ACAN: variants seen among roughly 807,000 people sequenced by gnomAD.
The protein encoded by ACAN is aggrecan.
Under a neutral mutation model 169.1 loss-of-function variants are expected in ACAN, and 47 were observed. That is an observed-to-expected ratio of 0.28 (90% CI 0.22 to 0.35). The LOEUF (loss-of-function observed/expected upper bound fraction) is 0.35, where lower values mean the gene tolerates loss of function less well. Ranked by LOEUF, ACAN falls within the 10% of genes least tolerant of loss-of-function variation. The pLI is 1.00. For synonymous variants in ACAN, 1,115 were observed against 1,112.2 expected (o/e 1.00, Z -0.05); for missense variants, 2,716 against 2,759.9 (o/e 0.98, Z 0.36).
Position 88,856,967 on chromosome 15 carries a change from C to A in ACAN, c.4382C>A (p.Thr1461Asn), listed in dbSNP as rs375536994. The change falls in exon 12 of 19, where the codon ACC becomes AAC. Residue 1461 changes from threonine (T) to asparagine (N), a missense_variant. Coordinates refer to ENST00000560601, the MANE Select transcript of ACAN (RefSeq NM_001369268.1). ...TCTGGAGAAGTTCTAGAGACTTCTA[C>A]CTCTGCGGTAGGGGACCTCAGTGGA... is the stretch of plus-strand genomic sequence containing the variant. ...LPSGEVLETS[T>N]SAVGDLSGLP... is the part of the protein sequence containing the mutation. 1.9e-6 allele frequency: 3 copies of A among 1,613,468 alleles called. No individual in the cohort carries two copies.
Position 88,838,131 on chromosome 15 carries a change from A to G in ACAN, c.71-532A>G, listed in dbSNP as rs1483839293. On this transcript the variant is annotated intron_variant, in intron 2 of 18. Transcript: ENST00000560601. This position sits in a 1 kb window ranked among gnomAD's most constrained non-coding sequence, Gnocchi z 5.1. ...CTGAGTCCCCTGACTCCCAAACAGC[A>G]GAAGAGAGTGACTTGTCCCGGTGGC... 6.6e-6 allele frequency among the ~76,000 whole-genome samples: 1 copy of G among 152,054 alleles called. No individual in the cohort carries two copies. The highest frequency in any genetic ancestry group is 1.9e-4 in the East Asian group (1 of 5,188).
chr15:88,840,911 A>C (rs539501917), intron 4 of ACAN, among the ~76,000 whole-genome samples: 2 of 152,154 alleles, frequency 1.3e-5, no homozygotes. Flanking sequence ...TTGGGAGGCC[A>C]AGGCGGGCAG....
chr15:88,858,070 A>T lies in ACAN; in HGVS notation c.5485A>T (p.Ile1829Phe). ...GAGTGGCAGCGGTGAATCTTCTGGG[A>T]TTACATTTGTGGACACCAGTTTGGT... ...TTSGSGESSGITFVDTSLVEV... is the reference protein window; with the variant it reads ...TTSGSGESSGFTFVDTSLVEV... Residue 1829 changes from isoleucine (I) to phenylalanine (F), a missense_variant, in exon 12 of 19, where the codon ATT (isoleucine) becomes TTT (phenylalanine). Physicochemically the swap from Ile to Phe is conservative, Grantham distance 21. Coordinates refer to ENST00000560601, the MANE Select transcript of ACAN (RefSeq NM_001369268.1). This position sits in a 1 kb window ranked among gnomAD's most constrained non-coding sequence, Gnocchi z 4.0. 6.2e-7 allele frequency: 1 copy of T among 1,613,828 alleles called. No homozygotes were observed. The highest frequency in any genetic ancestry group is 8.5e-7 in the Non-Finnish European group (1 of 1,179,866).
Position 88,855,345 on chromosome 15 carries a change from A to G in ACAN, c.2760A>G (p.Ser920=), listed in dbSNP as rs371065054. 2.7e-5 allele frequency: 44 copies of G among 1,612,572 alleles called. No individual in the cohort carries two copies. Among genetic ancestry groups the G allele is most frequent in the Non-Finnish European group, 3.6e-5 (43 of 1,179,086 alleles). The change falls in exon 12 of 19, where the codon TCA becomes TCG. Residue 920 remains serine (S), a synonymous_variant. Coordinates refer to ENST00000560601, the MANE Select transcript of ACAN (RefSeq NM_001369268.1). ...SGLPVESGLP[S]GDEERIEWPS... is the part of the protein sequence containing the mutation. Reference sequence around the variant, plus strand: ...TGCCTGTGGAAAGTGGACTACCCTCAGGGGATGAAGAGAGAATTGAGTGGC... The same window carrying G: ...TGCCTGTGGAAAGTGGACTACCCTCGGGGGATGAAGAGAGAATTGAGTGGC...
intron 2 of ACAN, among the ~76,000 whole-genome samples, chr15:88,837,833 AG>A (rs2141560713): frequency 6.6e-6 from 1 of 151,010 alleles, no homozygotes; most frequent in Admixed American, 6.6e-5. Flanking sequence ...TTCAACCTGT[AG>A]GCCCCCATGA....
intron 1 of ACAN, among the ~76,000 whole-genome samples, chr15:88,826,537 G>A (rs1434039748): frequency 6.6e-6 from 1 of 151,994 alleles, no homozygotes; most frequent in Non-Finnish European, 1.5e-5. Context: ...GTGGATGGAA[G>A]GTCCAGGAGT....
chr15:88,857,080 T>C lies in ACAN; in HGVS notation c.4495T>C (p.Ser1499Pro). 6.2e-7 allele frequency: 1 copy of C among 1,605,732 alleles called. No individual in the cohort carries two copies. Among genetic ancestry groups the C allele is most frequent in the East Asian group, 2.2e-5 (1 of 44,488 alleles). ...GLPSGEVVET[S>P]ASGIEDVSEL... ...TCCTTCTGGAGAGGTTGTAGAGACT[T>C]CTGCCTCTGGAATAGAGGATGTCAG... The change falls in exon 12 of 19, where the codon TCT (serine) becomes CCT (proline). Residue 1499 changes from serine to proline, a missense_variant. Coordinates refer to ENST00000560601, the MANE Select transcript of ACAN (RefSeq NM_001369268.1).
chr15:88,817,849 GAAAAAAAA>G (rs10710630), intron 1 of ACAN, among the ~76,000 whole-genome samples: 2 of 73,406 alleles, frequency 2.7e-5, no homozygotes, highest in South Asian at 5.2e-4. Flanking sequence ...GTGAGACTCT[GAAAAAAAA>G]AAAAAAAAAA....
Position 88,868,094 on chromosome 15 carries a change from C to T in ACAN, c.6947-122C>T, listed in dbSNP as rs192739032. 6.7e-4 allele frequency: 417 copies of T among 618,310 alleles called. No individual in the cohort carries two copies. The highest frequency in any genetic ancestry group is 2.9e-3 in the Middle Eastern group (11 of 3,738). 38.3% of individuals were successfully genotyped at this position (618,310 alleles called of 1,614,324 possible). ...CAGCAGCAACAGTTCTCAGGAAAAC[C>T]AGCCAGTTCCCTCCCAGGGGTCTGG... On this transcript the variant is annotated intron_variant, in intron 13 of 18. Transcript: ENST00000560601. The surrounding 1 kb of genome is among the most constrained non-coding windows in gnomAD (Gnocchi z 5.2).
Position 88,868,331 on chromosome 15 carries a change from T to C in ACAN, c.7060+2T>C. On this transcript the variant is annotated splice_donor_variant, in intron 14 of 18. Transcript: ENST00000560601. LOFTEE classifies it high-confidence loss of function. The surrounding 1 kb of genome is among the most constrained non-coding windows in gnomAD (Gnocchi z 5.2). ...ACGAAGGGGACCTGTGTGAGATTGG[T>C]ACGGCCGTCTTGGCTTCAGCTAATG... 1 of 702,674 alleles carries C rather than the reference T, an allele frequency of 1.4e-6. No individual in the cohort carries two copies. The highest frequency in any genetic ancestry group is 2.6e-6 in the Non-Finnish European group (1 of 384,752). The allele number at this position is 702,674 out of a possible 1,614,324, so 43.5% of individuals were successfully genotyped here.
At chr15:88,813,420 G>A (rs1036279088) in intron 1 of ACAN, among the ~76,000 whole-genome samples, 3 of 151,630 alleles carry the variant, frequency 2.0e-5, no homozygotes, top group African/African-American at 7.3e-5. Flanking sequence ...CATGGCTCAG[G>A]GACTCTGCAC....
At chr15:88,842,762 A>G (rs1896697458) in intron 5 of ACAN, among the ~76,000 whole-genome samples, 1 of 152,102 alleles carries the variant, frequency 6.6e-6, no homozygotes, top group Non-Finnish European at 1.5e-5. Context: ...GGTAGCCAGA[A>G]CCACCCCTGT....
Position 88,839,087 on chromosome 15 carries a change from T to C in ACAN, c.454+41T>C, listed in dbSNP as rs1282792015. 1 of 1,591,360 alleles carries C rather than the reference T, an allele frequency of 6.3e-7. No homozygotes were observed. ...AGGGACAGACGCTGCTTCACCCACA[T>C]AAAGAACCAGAGCAGTCTCCGCAGT... On this transcript the variant is annotated intron_variant, in intron 3 of 18. Transcript: ENST00000560601. The surrounding 1 kb of genome is among the most constrained non-coding windows in gnomAD (Gnocchi z 4.5).
chr15:88,843,308 G>C lies in ACAN; in HGVS notation c.758-47G>C. The C allele has an allele frequency of 1.5e-6, 2 of 1,349,958 alleles. No homozygotes were observed. The highest frequency in any genetic ancestry group is 1.9e-6 in the Non-Finnish European group (2 of 1,050,664). The allele number at this position is 1,349,958 out of a possible 1,614,324, so 83.6% of individuals were successfully genotyped here. On this transcript the variant is annotated intron_variant, in intron 5 of 18. Transcript: ENST00000560601. This position sits in a 1 kb window ranked among gnomAD's most constrained non-coding sequence, Gnocchi z 4.0. ...GGATCTCTCTGGGGATGCAGAGCAG[G>C]GGGAGGGGGGAGAAGACCCTTACCC...
intron 13 of ACAN, among the ~76,000 whole-genome samples, chr15:88,862,769 G>A (rs1037950706): frequency 6.6e-5 from 10 of 152,104 alleles, no homozygotes; most frequent in Admixed American, 2.6e-4. Context: ...AGGCCAAGGC[G>A]GATGGATTGC....
In ACAN at chr15:88,871,488, G is replaced by A. The variant is rs1286025925; in HGVS notation, c.7167G>A (p.Gln2389=). Residue 2389 remains glutamine, a synonymous_variant, in exon 15 of 19, where the codon CAG becomes CAA. Transcript: ENST00000560601. The surrounding 1 kb of genome is among the most constrained non-coding windows in gnomAD (Gnocchi z 7.8). ...WVDAERRCRE[Q]QSHLSSIVTP... is the part of the protein sequence containing the mutation. ...ATGCTGAGCGCCGGTGTCGGGAGCA[G>A]CAGTCACACCTGAGCAGCATCGTCA... is the stretch of plus-strand genomic sequence containing the variant. 3.7e-6 allele frequency: 6 copies of A among 1,613,848 alleles called. No individual in the cohort carries two copies. The highest frequency in any genetic ancestry group is 5.1e-6 in the Non-Finnish European group (6 of 1,179,872).
In ACAN at chr15:88,868,590, C is replaced by T. The variant is rs1189684251; in HGVS notation, c.7060+261C>T. ...CTTCCAGATCTACTGATGCCACCAC[C>T]GAGGTTGGTGTATGGTTCAGACTAA... On this transcript the variant is annotated intron_variant, in intron 14 of 18. Coordinates refer to ENST00000560601, the MANE Select transcript of ACAN (RefSeq NM_001369268.1). This position sits in a 1 kb window ranked among gnomAD's most constrained non-coding sequence, Gnocchi z 5.2. Among the ~76,000 whole-genome samples, 2 of 152,180 alleles carry T rather than the reference C, an allele frequency of 1.3e-5. No homozygotes were observed. The highest frequency in any genetic ancestry group is 2.4e-5 in the African/African-American group (1 of 41,448).
intron 1 of ACAN, among the ~76,000 whole-genome samples, chr15:88,821,098 T>G (rs528957710): frequency 1.2e-4 from 18 of 152,294 alleles, no homozygotes; most frequent in African/African-American, 3.6e-4. Context: ...CTCCCATGAT[T>G]CGATTACCTC....
At chr15:88,845,344 G>C (rs980977556) in intron 6 of ACAN, among the ~76,000 whole-genome samples, 161 bp from the exon 7 acceptor site, 1 of 152,226 alleles carries the variant, frequency 6.6e-6, no homozygotes, top group Non-Finnish European at 1.5e-5. Context: ...CGATAGCTGA[G>C]TACCCCTGAA....
Sources: allele counts gnomAD v4.1 joint callset (sites outside exome capture counted in the v4.1 genomes callset), GRCh38; gene constraint gnomAD v4.1.1; non-coding constraint Gnocchi (gnomAD v3.1); transcripts MANE v1.5; gene names NCBI Gene and HGNC (gene_info 2026-07-23, HGNC 2026-07-21).